ADGRF5: variants seen among roughly 807,000 people sequenced by gnomAD.
ADGRF5 encodes the protein adhesion G protein-coupled receptor F5.
ADGRF5 carries 75 observed loss-of-function variants against 132.3 expected under a neutral mutation model. The ratio of observed to expected loss-of-function variants is 0.57; its 90% CI spans 0.47 to 0.69. The LOEUF (loss-of-function observed/expected upper bound fraction) is 0.69. Ranked by LOEUF, ADGRF5 falls within the 30% of genes least tolerant of loss-of-function variation. ADGRF5 has a pLI of 0.00. For missense variants in ADGRF5, 1,516 were observed against 1,630.6 expected, an observed-to-expected ratio of 0.93 and a Z score of 1.21; for synonymous variants, 629 against 597.6, an observed-to-expected ratio of 1.05 and a Z score of -0.77.
intron 11 of ADGRF5, among the ~76,000 whole-genome samples, chr6:46,869,835 A>G (rs1770851868): frequency 6.6e-6 from 1 of 152,206 alleles, no homozygotes; most frequent in Non-Finnish European, 1.5e-5. Context: ...AATTATAACT[A>G]TATAACTACA....
rs558726846 is a variant in ADGRF5 at position 46,890,843 on chromosome 6, A to G, written c.158-2338T>C. On this transcript the variant is annotated intron_variant, in intron 3 of 20. Transcript: ENST00000283296. The stretch of plus-strand genomic sequence containing the variant: ...GTTAAAATTCTATGTTAAAAGGGCA[A>G]AAAATTTTCCCATAATATTTCAAGA... 4.5e-4 allele frequency among the ~76,000 whole-genome samples: 68 copies of G among 152,382 alleles called. 1 individual carries two copies. The highest frequency in any genetic ancestry group is 1.5e-3 in the African/African-American group (63 of 41,604).
At chr6:46,891,380 T>C (rs762504845) in intron 3 of ADGRF5, among the ~76,000 whole-genome samples, 1 of 152,236 alleles carries the variant, frequency 6.6e-6, no homozygotes, top group Non-Finnish European at 1.5e-5. Flanking sequence ...GGCTGCATAA[T>C]ATTTACAAGT....
At chr6:46,909,310 A>G (rs1394696358) in intron 1 of ADGRF5, among the ~76,000 whole-genome samples, 2 of 152,202 alleles carry the variant, frequency 1.3e-5, no homozygotes, top group Non-Finnish European at 2.9e-5. Flanking sequence ...AGAGAAAGAA[A>G]GAACATTATC....
At chr6:46,927,710 A>G (rs1237380544) in intron 1 of ADGRF5, among the ~76,000 whole-genome samples, 2 of 152,128 alleles carry the variant, frequency 1.3e-5, no homozygotes, top group Non-Finnish European at 2.9e-5. Flanking sequence ...GTAGACCAGC[A>G]CCAGTTAGGC....
intron 3 of ADGRF5, among the ~76,000 whole-genome samples, chr6:46,897,145 TACACACACAC>T (rs10655432): frequency 4.4e-4 from 63 of 141,872 alleles, no homozygotes; most frequent in African/African-American, 1.1e-3. Context: ...TGCATATATA[TACACACACAC>T]ACACACACAC....
chr6:46,942,896 G>A (rs1233840205), intron 1 of ADGRF5, among the ~76,000 whole-genome samples: 5 of 152,202 alleles, frequency 3.3e-5, no homozygotes, highest in South Asian at 2.1e-4. Context: ...TCATGCATGC[G>A]TGTGGATTTG....
intron 1 of ADGRF5, among the ~76,000 whole-genome samples, chr6:46,913,093 C>A (rs1484596158): frequency 1.3e-5 from 2 of 152,146 alleles, no homozygotes. Flanking sequence ...GTACTCCCAC[C>A]ACCAGCTCTA....
intron 4 of ADGRF5, among the ~76,000 whole-genome samples, chr6:46,887,230 C>A (rs1304895710): frequency 1.3e-5 from 2 of 152,174 alleles, no homozygotes; most frequent in African/African-American, 4.8e-5. Context: ...CAAAAGGTTT[C>A]TGTTAAAAAA....
At chr6:46,922,081 G>C (rs1182415176), upstream of ADGRF5, 2 of 152,244 alleles carry the variant, frequency 1.3e-5, no homozygotes, top group African/African-American at 4.8e-5. Flanking sequence ...CAAGTGGACA[G>C]ACTTGTTTGG....
At chr6:46,861,150 G>A (rs540775051) in intron 15 of ADGRF5, among the ~76,000 whole-genome samples, 1 of 152,326 alleles carries the variant, frequency 6.6e-6, no homozygotes, top group East Asian at 1.9e-4. Flanking sequence ...GAACAAAAAA[G>A]GGAAGCTAGA....
At chr6:46,894,291 G>A (rs181790111) in intron 3 of ADGRF5, among the ~76,000 whole-genome samples, 2 of 152,254 alleles carry the variant, frequency 1.3e-5, no homozygotes, top group African/African-American at 4.8e-5. Context: ...TGCAGTGAAG[G>A]GATCTCATTC....
chr6:46,878,501 G>T, intron 9 of ADGRF5, 96 bp from the exon 10 acceptor site: 1 of 747,060 alleles, frequency 1.3e-6, no homozygotes, highest in Non-Finnish European at 2.2e-6. Context: ...AGTACTTCAT[G>T]AAGTATCATT....
At chr6:46,944,859 A>C (rs1778241883) in intron 1 of ADGRF5, among the ~76,000 whole-genome samples, 1 of 152,128 alleles carries the variant, frequency 6.6e-6, no homozygotes, top group African/African-American at 2.4e-5. Context: ...CCTAAGATGC[A>C]TCCCTGTCTT....
At chr6:46,895,565 C>G (rs1039983235) in intron 3 of ADGRF5, among the ~76,000 whole-genome samples, 2 of 150,836 alleles carry the variant, frequency 1.3e-5, no homozygotes, top group Admixed American at 1.3e-4. Flanking sequence ...GAGACCCAAT[C>G]TGGGAGGAAC....
At chr6:46,888,615 G>C in intron 3 of ADGRF5, 110 bp from the exon 4 acceptor site, 1 of 739,894 alleles carries the variant, frequency 1.4e-6, no homozygotes, top group Non-Finnish European at 2.3e-6. Flanking sequence ...TGAATGGTTG[G>C]TCTATCAACC....
chr6:46,906,107 T>C (rs1416638531), intron 2 of ADGRF5, among the ~76,000 whole-genome samples: 1 of 152,146 alleles, frequency 6.6e-6, no homozygotes, highest in Admixed American at 6.6e-5. Context: ...TAAGCTAAAC[T>C]CTCATTGACT....
intron 1 of ADGRF5, among the ~76,000 whole-genome samples, chr6:46,941,456 GAAAA>G (rs1778078955): frequency 2.4e-5 from 1 of 42,056 alleles, no homozygotes; most frequent in Admixed American, 2.2e-4. Flanking sequence ...GAAAAGAAAA[GAAAA>G]GAAAAGAAAG....
At chr6:46,913,219 T>G (rs1214448733) in intron 1 of ADGRF5, among the ~76,000 whole-genome samples, 2 of 151,902 alleles carry the variant, frequency 1.3e-5, no homozygotes, top group African/African-American at 4.8e-5. Flanking sequence ...AGAAGGGGGC[T>G]GGGCCAGGTG....
At chr6:46,884,368 C>T (rs184418320) in intron 4 of ADGRF5, 97 bp from the exon 5 acceptor site, 32 of 930,330 alleles carry the variant, frequency 3.4e-5, no homozygotes, top group African/African-American at 8.2e-5. Flanking sequence ...GAAGAACATC[C>T]GAATCTGACT....
Sources: gnomAD v4.1 joint callset for allele counts (sites outside exome capture counted in the v4.1 genomes callset) on GRCh38, gnomAD v4.1.1 for gene constraint, MANE v1.5 for transcripts, NCBI Gene and HGNC (gene_info 2026-07-23, HGNC 2026-07-21) for gene names.